ABI3BP: variants seen among roughly 807,000 people sequenced by gnomAD.
ABI3BP encodes the protein target of Nesh-SH3.
Under a neutral mutation model 268.6 loss-of-function variants are expected in ABI3BP, and 216 were observed. The ratio of observed to expected loss-of-function variants is 0.80; its 90% CI spans 0.72 to 0.90. ABI3BP has a LOEUF of 0.90. Ranked by LOEUF, ABI3BP falls within the 40% of genes least tolerant of loss-of-function variation. The pLI is 0.00. For synonymous variants in ABI3BP, 730 were observed against 730.0 expected, an observed-to-expected ratio of 1.00 and a Z score of 0.00; for missense variants, 2,090 against 2,182.4, an observed-to-expected ratio of 0.96 and a Z score of 0.84.
chr3:100,959,489 C>CAAAA (rs35465693), intron 1 of ABI3BP, among the ~76,000 whole-genome samples: 9 of 36,072 alleles, frequency 2.5e-4, no homozygotes, highest in Admixed American at 3.1e-4. Flanking sequence ...GACTCCGTCT[C>CAAAA]AAAAAAAAAA....
At chr3:100,841,220 T>TTTTTTTTTTTTTTTTTG (rs1560681726) in intron 21 of ABI3BP, among the ~76,000 whole-genome samples, 3 of 119,548 alleles carry the variant, frequency 2.5e-5, no homozygotes, top group Non-Finnish European at 3.4e-5. Flanking sequence ...TTTTTTTTTT[T>TTTTTTTTTTTTTTTTTG]TTTTTTTGCT....
At chr3:100,787,856 G>T in intron 56 of ABI3BP, 54 bp from the exon 57 acceptor site, 1 of 1,301,234 alleles carries the variant, frequency 7.7e-7, no homozygotes. Flanking sequence ...GTTTGCAGCC[G>T]AGAAAAACAA....
At chr3:100,864,641 A>G (rs933027587) in intron 11 of ABI3BP, 192 bp downstream of exon 11, 4 of 541,306 alleles carry the variant, frequency 7.4e-6, no homozygotes, top group Non-Finnish European at 1.3e-5. Context: ...CACCAGGATC[A>G]GCCATGTGGT....
chr3:100,874,197 G>A (rs947882137), intron 9 of ABI3BP, among the ~76,000 whole-genome samples: 2 of 152,190 alleles, frequency 1.3e-5, no homozygotes, highest in South Asian at 2.1e-4. Context: ...TTGGTGGTGG[G>A]GGGTGGTGGG....
chr3:100,800,072 T>C (rs746638882), intron 51 of ABI3BP, among the ~76,000 whole-genome samples: 2 of 152,070 alleles, frequency 1.3e-5, no homozygotes, highest in Non-Finnish European at 2.9e-5. Flanking sequence ...ATTCAGTCAT[T>C]CTCTAGGTCT....
At chr3:100,784,403 A>C (rs1427351420) in intron 57 of ABI3BP, among the ~76,000 whole-genome samples, 2 of 152,176 alleles carry the variant, frequency 1.3e-5, no homozygotes, top group African/African-American at 2.4e-5. Context: ...GATGTAGGGA[A>C]AAGGGGCCAC....
At chr3:100,846,120 AG>A (rs1468784074) in intron 20 of ABI3BP, among the ~76,000 whole-genome samples, 4 of 152,196 alleles carry the variant, frequency 2.6e-5, no homozygotes, top group African/African-American at 9.6e-5. Flanking sequence ...GTAGTAGACA[AG>A]GGAGTTCGCA....
intron 4 of ABI3BP, among the ~76,000 whole-genome samples, chr3:100,895,271 A>G (rs2047131844): frequency 6.6e-6 from 1 of 152,146 alleles, no homozygotes; most frequent in African/African-American, 2.4e-5. Flanking sequence ...AATGAAGCAC[A>G]TCTGCTCTCC....
intron 36 of ABI3BP, 116 bp from the exon 37 acceptor site, chr3:100,823,630 T>A (rs1429716056): frequency 6.2e-5 from 42 of 672,830 alleles, no homozygotes; most frequent in Non-Finnish European, 8.8e-5. Context: ...AAAAAAAAAA[T>A]TAACTTCTTA....
chr3:100,811,592 G>A, intron 47 of ABI3BP, 136 bp downstream of exon 47: 1 of 846,610 alleles, frequency 1.2e-6, no homozygotes, highest in Non-Finnish European at 1.8e-6. Flanking sequence ...CAAGAATGTT[G>A]GAAGCTGTAG....
chr3:100,869,555 A>G (rs781553980), intron 9 of ABI3BP, among the ~76,000 whole-genome samples: 9 of 151,592 alleles, frequency 5.9e-5, no homozygotes, highest in African/African-American at 9.7e-5. Context: ...GGATCTCACT[A>G]TGTTGCCAGG....
At chr3:100,833,456 A>G (rs992369902) in intron 29 of ABI3BP, among the ~76,000 whole-genome samples, 1 of 152,222 alleles carries the variant, frequency 6.6e-6, no homozygotes, top group Non-Finnish European at 1.5e-5. Flanking sequence ...TGTTATGTTT[A>G]AAAATTAGGA....
Position 100,937,751 on chromosome 3 carries a change from C to T in ABI3BP, c.80-11270G>A, listed in dbSNP as rs376714567. On this transcript the variant is annotated intron_variant, in intron 1 of 67. Transcript: ENST00000471714. ...AGAACGGACAATGCTAAGTTTCCAA[C>T]GTAGTCTATGCTCTGCTTTGACAGC... Among the ~76,000 whole-genome samples the T allele has an allele frequency of 1.9e-4, 29 of 152,144 alleles. No individual in the cohort carries two copies. The South Asian group carries it at 2.5e-3, about 13-fold the overall frequency.
intron 32 of ABI3BP, among the ~76,000 whole-genome samples, chr3:100,829,958 G>A (rs2098455856): frequency 6.6e-6 from 1 of 150,872 alleles, no homozygotes; most frequent in Non-Finnish European, 1.5e-5. Flanking sequence ...GGTAAGTATA[G>A]GGTGATTTTA....
chr3:100,861,759 A>G (rs906617990), intron 14 of ABI3BP, among the ~76,000 whole-genome samples: 1 of 152,022 alleles, frequency 6.6e-6, no homozygotes, highest in Non-Finnish European at 1.5e-5. Flanking sequence ...CCAAAAGTAG[A>G]GGAAAGTAGC....
chr3:100,910,156 G>A (rs62273869), intron 2 of ABI3BP, among the ~76,000 whole-genome samples: 88,827 of 151,258 alleles, frequency 0.59, 26,859 homozygotes, highest in East Asian at 0.91. Context: ...AACTAACACA[G>A]GAACAGAAAA....
chr3:100,862,797 C>T, intron 13 of ABI3BP, 41 bp downstream of exon 13: 6 of 1,374,098 alleles, frequency 4.4e-6, no homozygotes, highest in South Asian at 1.3e-5. Context: ...AAGCAATCAC[C>T]ACCCACAGCC....
At position 100,798,621 on chromosome 3, in the gene ABI3BP, T is replaced by C. The variant is rs191907169; in HGVS notation, c.3758-2153A>G. Among the ~76,000 whole-genome samples the C allele has an allele frequency of 2.5e-3, 385 of 152,230 alleles. 2 individuals carry two copies. The highest frequency in any genetic ancestry group is 9.0e-3 in the African/African-American group (373 of 41,560). ...CTTATACCATTTATACTAACCAATC[T>C]GTCTTTTTGAATAAAGTGTGCCACT... On this transcript the variant is annotated intron_variant, in intron 51 of 67. Transcript: ENST00000471714.
chr3:100,971,839 A>AGATAAG (rs1363164045), intron 1 of ABI3BP, among the ~76,000 whole-genome samples: 1 of 152,180 alleles, frequency 6.6e-6, no homozygotes, highest in African/African-American at 2.4e-5. Flanking sequence ...GCTTTTTAAA[A>AGATAAG]GATCAGGATC....
Sources: allele counts gnomAD v4.1 joint callset (sites outside exome capture counted in the v4.1 genomes callset), GRCh38; gene constraint gnomAD v4.1.1; transcripts MANE v1.5; gene names NCBI Gene and HGNC (gene_info 2026-07-23, HGNC 2026-07-21).